KLRG1: variants seen among roughly 807,000 people sequenced by gnomAD.
The protein encoded by KLRG1 is killer cell lectin-like receptor subfamily G member 1.
KLRG1 carries 16 observed loss-of-function variants against 21.8 expected under a neutral mutation model. The observed-to-expected ratio is 0.73, with a 90% CI of 0.50 to 1.11. The LOEUF (loss-of-function observed/expected upper bound fraction) is 1.11, where lower values mean the gene tolerates loss of function less well. Ranked by LOEUF, KLRG1 falls within the 50% of genes most tolerant of loss-of-function variation. KLRG1 has a pLI of 0.00. For missense variants in KLRG1, 173 were observed against 218.3 expected (o/e 0.79, Z 1.31); for synonymous variants, 69 against 75.9 (o/e 0.91, Z 0.47).
chr12:9,180,912 G>C, the KLRG1 span: 238 of 1,523,018 alleles, frequency 1.6e-4, 2 homozygotes, highest in African/African-American at 2.9e-3. Flanking sequence ...CTGACAAAGG[G>C]CTAATAGAGG....
At chr12:8,962,720 A>ACC (rs1946401135) in intron 1 of KLRG1, among the ~76,000 whole-genome samples, 1 of 149,392 alleles carries the variant, frequency 6.7e-6, no homozygotes, top group Non-Finnish European at 1.5e-5. Flanking sequence ...TGTTTCCCAA[A>ACC]AAAAAAAAAA....
Position 8,958,248 on chromosome 12 carries a change from T to A in KLRG1, c.-156+8012T>A, listed in dbSNP as rs192231908. On this transcript the variant is annotated intron_variant, in intron 1 of 4. Coordinates refer to the KLRG1 transcript ENST00000539240. ...GTGTATAGTTGAGGTAGCACTGAGGTTCCTTTTTTTCCCCATATGGATATA... is the reference window on the plus strand; with the variant it reads ...GTGTATAGTTGAGGTAGCACTGAGGATCCTTTTTTTCCCCATATGGATATA... Among the ~76,000 whole-genome samples the A allele has an allele frequency of 9.2e-5, 14 of 152,188 alleles. No individual in the cohort carries two copies. The East Asian group carries it at 2.7e-3, about 29-fold the overall frequency.
At chr12:8,989,402 T>G, upstream of KLRG1, 1 of 343,090 alleles carries the variant, frequency 2.9e-6, no homozygotes, top group Non-Finnish European at 5.3e-6. Context: ...GGGAATCAAT[T>G]TAATATATAT....
At chr12:9,197,166 G>T in the KLRG1 span, 1 of 1,340,818 alleles carries the variant, frequency 7.5e-7, no homozygotes. Context: ...ATGGCTGTTT[G>T]CATTTTCCAC....
Position 9,010,052 on chromosome 12 carries a change from G to A in KLRG1, c.*515G>A, listed in dbSNP as rs1291954242. The A allele has an allele frequency of 1.3e-6, 2 of 1,524,082 alleles. No individual in the cohort carries two copies. Among genetic ancestry groups the A allele is most frequent in the Non-Finnish European group, 1.8e-6 (2 of 1,137,436 alleles). The allele number at this position is 1,524,082 out of a possible 1,614,324, so 94.4% of individuals were successfully genotyped here. A position where few individuals can be genotyped will look rare whatever the true frequency, so the allele number is the denominator to read the frequency against. ...GAAGAATAAACCTAGCTGGCATGCT[G>A]GTGTGTACCTGTAGTCCTAGCTATT... On this transcript the variant is annotated 3_prime_UTR_variant, in exon 5 of 5. Transcript: ENST00000356986.
the KLRG1 span, chr12:9,113,223 T>A: frequency 1.2e-6 from 1 of 845,282 alleles, no homozygotes; most frequent in Non-Finnish European, 1.8e-6. Flanking sequence ...CTCCTTAATT[T>A]CTATACTTAG....
intron 3 of KLRG1, among the ~76,000 whole-genome samples, chr12:9,005,543 T>C (rs941336756): frequency 2.6e-5 from 4 of 152,124 alleles, no homozygotes; most frequent in African/African-American, 7.2e-5. Context: ...AAAAAAATGT[T>C]GACCTCAGAA....
At chr12:9,160,335 C>T in the KLRG1 span, 1 of 1,613,526 alleles carries the variant, frequency 6.2e-7, no homozygotes, top group Non-Finnish European at 8.5e-7. Flanking sequence ...TAGCCAACGG[C>T]CTTGGCCTTG....
the KLRG1 span, among the ~76,000 whole-genome samples, chr12:9,197,640 T>C: frequency 1.2e-4 from 8 of 66,498 alleles, no homozygotes; most frequent in African/African-American, 5.1e-4. Context: ...TTATATATTA[T>C]ATTATATAAT....
intron 1 of KLRG1, among the ~76,000 whole-genome samples, chr12:8,965,940 C>T (rs941166556): frequency 1.3e-5 from 2 of 152,164 alleles, no homozygotes; most frequent in African/African-American, 2.4e-5. Flanking sequence ...TCAAACTGTA[C>T]TACAAGGCTA....
the KLRG1 span, chr12:9,090,520 G>A: frequency 6.2e-7 from 1 of 1,605,144 alleles, no homozygotes; most frequent in Non-Finnish European, 8.5e-7. Flanking sequence ...GAGAGGGAAG[G>A]AGAACAGAGG....
intron 4 of KLRG1, 139 bp from the exon 5 acceptor site, chr12:9,009,286 AT>A: frequency 8.5e-7 from 1 of 1,183,406 alleles, no homozygotes; most frequent in Non-Finnish European, 1.2e-6. Flanking sequence ...CTGATGAACA[AT>A]TTTAATTCTT....
the KLRG1 span, among the ~76,000 whole-genome samples, chr12:9,121,679 G>A: frequency 6.6e-6 from 1 of 152,208 alleles, no homozygotes; most frequent in Admixed American, 6.5e-5. The surrounding 1 kb of genome is among the most constrained non-coding windows in gnomAD (Gnocchi z 4.4). Context: ...TCCTATGTTT[G>A]CTACAGAGGA....
intron 3 of KLRG1, among the ~76,000 whole-genome samples, chr12:9,006,038 A>G (rs999734452): frequency 2.6e-5 from 4 of 152,212 alleles, no homozygotes; most frequent in Non-Finnish European, 4.4e-5. Flanking sequence ...AGGGTAATCT[A>G]TAGTTAACAA....
At chr12:9,028,879 G>A in the KLRG1 span, 1 of 640,920 alleles carries the variant, frequency 1.6e-6, no homozygotes, top group Non-Finnish European at 2.9e-6. Flanking sequence ...TGCATTCGTG[G>A]CCGCATCCAC....
the KLRG1 span, among the ~76,000 whole-genome samples, chr12:9,170,405 C>T: frequency 0.011 from 1,729 of 152,260 alleles, 29 homozygotes; most frequent in African/African-American, 0.039. This position sits in a 1 kb window ranked among gnomAD's most constrained non-coding sequence, Gnocchi z 4.6. Context: ...TTACATAATC[C>T]GGCCCTGGGA....
At chr12:9,133,059 T>C in the KLRG1 span, among the ~76,000 whole-genome samples, 15 of 152,318 alleles carry the variant, frequency 9.8e-5, no homozygotes, top group African/African-American at 2.9e-4. Context: ...GTGTGGGTTT[T>C]TTTTTCATTT....
the KLRG1 span, chr12:9,093,654 CAA>C: frequency 1.4e-3 from 729 of 527,298 alleles, no homozygotes; most frequent in South Asian, 2.6e-3. Flanking sequence ...TAGTTGCCAC[CAA>C]AAAAAAAAAA....
the KLRG1 span, chr12:9,089,919 T>C: frequency 6.2e-7 from 1 of 1,612,172 alleles, no homozygotes; most frequent in Non-Finnish European, 8.5e-7. Context: ...AACAGAGGCT[T>C]GATGACTGTG....
Sources: allele counts gnomAD v4.1 joint callset (sites outside exome capture counted in the v4.1 genomes callset), GRCh38; gene constraint gnomAD v4.1.1; non-coding constraint Gnocchi (gnomAD v3.1); transcripts MANE v1.5; gene names NCBI Gene and HGNC (gene_info 2026-07-23, HGNC 2026-07-21).